Variants in CLDN14 observed in about 807,000 individuals in gnomAD.
CLDN14 encodes claudin 14.
In CLDN14, 2 loss-of-function variants were observed where a neutral mutation model predicts 2.1. That is an observed-to-expected ratio of 0.96 (90% CI 0.39 to 3.01). CLDN14 has a LOEUF of 3.01. Among genes scored for constraint, CLDN14 ranks in the 30% most tolerant of loss-of-function variants. CLDN14 has a pLI of 0.09. For synonymous variants in CLDN14, 136 were observed against 154.4 expected, an observed-to-expected ratio of 0.88 and a Z score of 0.88; for missense variants, 298 against 328.0, an observed-to-expected ratio of 0.91 and a Z score of 0.71.
intron 1 of CLDN14, among the ~76,000 whole-genome samples, chr21:36,569,942 A>C (rs1020078116): frequency 3.9e-5 from 6 of 152,214 alleles, no homozygotes; most frequent in African/African-American, 1.4e-4. Flanking sequence ...TATTTTGTCA[A>C]GTTTAAGGAC....
chr21:36,475,191 G>A (rs219752), intron 1 of CLDN14, among the ~76,000 whole-genome samples: 70,103 of 152,014 alleles, frequency 0.46, 18,105 homozygotes, highest in African/African-American at 0.71. Flanking sequence ...GTGGACAAAG[G>A]GCTGGACTGG....
In CLDN14 at chr21:36,461,102, G is replaced by A; in HGVS notation, c.594C>T (p.Pro198=). 2 of 1,614,182 alleles carry A rather than the reference G, an allele frequency of 1.2e-6. No homozygotes were observed. Among genetic ancestry groups the A allele is most frequent in the South Asian group, 1.1e-5 (1 of 91,082 alleles). Residue 198 remains proline (P), a synonymous_variant, in exon 2 of 2, where the codon CCC becomes CCT. Transcript: ENST00000399135. ...TGTTTGCAGTGGTCGTGGTGGCCCT[G>A]GGCGGGGCCTGGTAGGGCCTGTAGG... ...EAPYRPYQAP[P]RATTTTANTA... is the part of the protein sequence containing the mutation.
At chr21:36,563,809 C>T (rs1050149160) in intron 1 of CLDN14, among the ~76,000 whole-genome samples, 1 of 152,108 alleles carries the variant, frequency 6.6e-6, no homozygotes, top group East Asian at 1.9e-4. Context: ...AAGGTCTCTG[C>T]GTGGTCTCCT....
intron 2 of CLDN14, among the ~76,000 whole-genome samples, chr21:36,509,144 G>A (rs370313437): frequency 6.6e-6 from 1 of 152,296 alleles, no homozygotes; most frequent in African/African-American, 2.4e-5. Context: ...GCATGGCTGC[G>A]GTGTGTATTG....
intron 1 of CLDN14, among the ~76,000 whole-genome samples, chr21:36,537,465 A>C (rs993386492): frequency 2.0e-5 from 3 of 152,228 alleles, no homozygotes. Context: ...GAAAACGTGA[A>C]TATGAACTGG....
intron 1 of CLDN14, among the ~76,000 whole-genome samples, chr21:36,529,381 C>T (rs765464744): frequency 5.3e-5 from 8 of 152,042 alleles, no homozygotes; most frequent in Non-Finnish European, 1.2e-4. Context: ...CTCCACCTCC[C>T]GAGTTCAAGC....
intron 2 of CLDN14, among the ~76,000 whole-genome samples, chr21:36,510,194 C>T (rs942258592): frequency 2.0e-5 from 3 of 152,206 alleles, no homozygotes; most frequent in Non-Finnish European, 2.9e-5. Context: ...CTGGAAATAC[C>T]GGAAAAGCGG....
At chr21:36,558,031 G>C (rs2087610865) in intron 1 of CLDN14, among the ~76,000 whole-genome samples, 1 of 152,176 alleles carries the variant, frequency 6.6e-6, no homozygotes, top group Non-Finnish European at 1.5e-5. Flanking sequence ...TTGTTGAAGA[G>C]ACTGTCCTTT....
chr21:36,489,393 A>G (rs2086938395), intron 2 of CLDN14, among the ~76,000 whole-genome samples: 1 of 152,074 alleles, frequency 6.6e-6, no homozygotes, highest in African/African-American at 2.4e-5. Context: ...TGATGCTGAG[A>G]CACCAATGGC....
intron 1 of CLDN14, among the ~76,000 whole-genome samples, chr21:36,549,594 T>G (rs1451099157): frequency 3.3e-5 from 5 of 152,110 alleles, no homozygotes; most frequent in Admixed American, 6.5e-5. Context: ...GGGGCGAGAA[T>G]TACTTCTGGG....
At chr21:36,497,427 C>G (rs1489898486) in intron 2 of CLDN14, among the ~76,000 whole-genome samples, 9 of 106,604 alleles carry the variant, frequency 8.4e-5, no homozygotes, top group Non-Finnish European at 1.2e-4. Flanking sequence ...GGGAGGGAGG[C>G]AGGCGGCAGG....
At chr21:36,566,935 C>T (rs1025016429) in intron 1 of CLDN14, among the ~76,000 whole-genome samples, 4 of 152,184 alleles carry the variant, frequency 2.6e-5, no homozygotes, top group African/African-American at 9.7e-5. Flanking sequence ...GAGGTGCTTG[C>T]GGCCACTGGG....
intron 2 of CLDN14, among the ~76,000 whole-genome samples, chr21:36,497,259 A>G (rs1226601252): frequency 9.9e-4 from 8 of 8,074 alleles, no homozygotes; most frequent in African/African-American, 2.6e-3. Flanking sequence ...GGGAGGGAGG[A>G]AGGGAGGGAG....
chr21:36,517,463 G>A (rs2087237427), intron 1 of CLDN14, among the ~76,000 whole-genome samples: 1 of 152,210 alleles, frequency 6.6e-6, no homozygotes. Context: ...TCTTGATGCT[G>A]CCAATCTTTT....
chr21:36,483,551 C>T (rs2086867855), upstream of CLDN14, among the ~76,000 whole-genome samples: 1 of 152,194 alleles, frequency 6.6e-6, no homozygotes, highest in South Asian at 2.1e-4. Context: ...TCATAGGAAC[C>T]ATGCGGTGAA....
intron 2 of CLDN14, among the ~76,000 whole-genome samples, chr21:36,487,987 A>G (rs911494942): frequency 4.6e-5 from 7 of 152,234 alleles, no homozygotes; most frequent in Non-Finnish European, 8.8e-5. Context: ...TAGAGACTCA[A>G]ACAGGTGTGT....
intron 2 of CLDN14, among the ~76,000 whole-genome samples, chr21:36,504,723 G>GCAGTGGGTTATAGAGAAGAGATGGTAACA (rs1301162998): frequency 6.6e-6 from 1 of 152,224 alleles, no homozygotes; most frequent in East Asian, 1.9e-4. Context: ...TGACTAGTCT[G>GCAGTGGGTTATAGAGAAGAGATGGTAACA]CAGTGGGTTA....
At chr21:36,524,669 G>C (rs900377228) in intron 1 of CLDN14, among the ~76,000 whole-genome samples, 5 of 152,210 alleles carry the variant, frequency 3.3e-5, no homozygotes. Flanking sequence ...GGGCCCAGTA[G>C]AGCAAGTGCT....
At chr21:36,490,091 C>A (rs1045803970) in intron 2 of CLDN14, among the ~76,000 whole-genome samples, 1 of 152,200 alleles carries the variant, frequency 6.6e-6, no homozygotes, top group Admixed American at 6.5e-5. Flanking sequence ...TAGATTGCCA[C>A]GGACCAGGCA....
Sources: gnomAD v4.1 joint callset for allele counts (sites outside exome capture counted in the v4.1 genomes callset) on GRCh38, gnomAD v4.1.1 for gene constraint, MANE v1.5 for transcripts, NCBI Gene and HGNC (gene_info 2026-07-23, HGNC 2026-07-21) for gene names.